Variants in LTN1 observed in about 807,000 individuals in gnomAD.
The protein encoded by LTN1 is E3 ubiquitin-protein ligase listerin.
In LTN1, 88 loss-of-function variants were observed where a neutral mutation model predicts 201.2. That is an observed-to-expected ratio of 0.44 (90% CI 0.37 to 0.52). The LOEUF (loss-of-function observed/expected upper bound fraction) is 0.52. Among genes scored for constraint, LTN1 ranks in the 20% least tolerant of loss-of-function variants. The pLI, the probability that LTN1 is intolerant of heterozygous loss-of-function variation, is 0.00. For synonymous variants in LTN1, 645 were observed against 713.5 expected (o/e 0.90, Z 1.53); for missense variants, 1,752 against 2,038.7 (o/e 0.86, Z 2.71).
intron 1 of LTN1, among the ~76,000 whole-genome samples, chr21:28,992,061 A>C (rs1025715537): frequency 2.6e-5 from 4 of 152,246 alleles, no homozygotes; most frequent in African/African-American, 4.8e-5. Flanking sequence ...AATAAATGTC[A>C]TAAATACAAT....
At chr21:28,937,951 A>G (rs1021756637) in intron 25 of LTN1, among the ~76,000 whole-genome samples, 7 of 152,204 alleles carry the variant, frequency 4.6e-5, no homozygotes, top group Non-Finnish European at 1.0e-4. Context: ...AGTAAGTACT[A>G]TTGCTAAAAA....
At position 28,965,909 on chromosome 21, in the gene LTN1, G is replaced by A. The variant is rs1434417801; in HGVS notation, c.2122-3C>T. 6.6e-7 allele frequency: 1 copy of A among 1,520,262 alleles called. No individual in the cohort carries two copies. The highest frequency in any genetic ancestry group is 1.2e-5 in the South Asian group (1 of 83,810). The allele number at this position is 1,520,262 out of a possible 1,614,324, so 94.2% of individuals were successfully genotyped here. ...AGAGAATTCCATTTCAAGTCCACCTGAAAAAAGAAAAAGAGTTAGAAACAA... is the reference window on the plus strand; with the variant it reads ...AGAGAATTCCATTTCAAGTCCACCTAAAAAAAGAAAAAGAGTTAGAAACAA... On this transcript the variant is annotated splice_region_variant and splice_polypyrimidine_tract_variant and intron_variant, in intron 10 of 29. Transcript: ENST00000361371.
At chr21:28,952,310 TG>T in intron 17 of LTN1, 46 bp from the exon 18 acceptor site, 2 of 1,168,148 alleles carry the variant, frequency 1.7e-6, no homozygotes, top group Non-Finnish European at 2.5e-6. Context: ...GAAAGCATAC[TG>T]AATAAAATGT....
chr21:28,956,044 A>G (rs1341924327), intron 16 of LTN1, among the ~76,000 whole-genome samples: 2 of 152,082 alleles, frequency 1.3e-5, no homozygotes, highest in East Asian at 3.8e-4. Flanking sequence ...CACATGTTCT[A>G]ATTTGTATAT....
rs1304471704 is a variant in LTN1 at position 28,928,243 on chromosome 21, C to A, written c.*2205G>T. ...CAAGGGCATTTATATTATTATTTTT[C>A]TGCATATTTGAAATATTTTTAATTA... is the stretch of plus-strand genomic sequence containing the variant. On this transcript the variant is annotated 3_prime_UTR_variant, in exon 30 of 30. Coordinates refer to ENST00000361371, the MANE Select transcript of LTN1 (RefSeq NM_015565.3). The A allele has an allele frequency of 6.6e-6, 1 of 152,458 alleles. No individual in the cohort carries two copies. The highest frequency in any genetic ancestry group is 1.5e-5 in the Non-Finnish European group (1 of 67,990). The allele number at this position is 152,458 out of a possible 1,614,324, so 9.4% of individuals were successfully genotyped here.
chr21:28,965,156 A>T (rs1182442125), intron 11 of LTN1, among the ~76,000 whole-genome samples: 1 of 152,156 alleles, frequency 6.6e-6, no homozygotes, highest in Non-Finnish European at 1.5e-5. Flanking sequence ...TTTTTTTACT[A>T]CAATTTAAAA....
chr21:28,992,721 T>A lies in LTN1; in HGVS notation c.42+43A>T. 1.9e-6 allele frequency: 3 copies of A among 1,611,696 alleles called. 1 individual carries two copies. The highest frequency in any genetic ancestry group is 3.3e-5 in the Admixed American group (2 of 59,968). The stretch of plus-strand genomic sequence containing the variant: ...AACGCGCTGGGCGGAGCCAGCCGCC[T>A]CGAAGCGAGGCTCCCGGGTCGGCCG... On this transcript the variant is annotated intron_variant, in intron 1 of 29. Transcript: ENST00000361371.
chr21:28,956,661 G>A (rs905062590), intron 16 of LTN1, 101 bp downstream of exon 16: 2 of 603,700 alleles, frequency 3.3e-6, no homozygotes, highest in African/African-American at 1.9e-5. Flanking sequence ...GAAAGCTGAA[G>A]ATTCTTGAAT....
intron 18 of LTN1, among the ~76,000 whole-genome samples, chr21:28,949,542 C>T (rs2084366691): frequency 6.6e-6 from 1 of 152,124 alleles, no homozygotes; most frequent in African/African-American, 2.4e-5. Flanking sequence ...CCACCTTCTA[C>T]TTTCTATCCC....
chr21:28,979,385 A>C (rs2084641081), intron 6 of LTN1, among the ~76,000 whole-genome samples: 1 of 152,234 alleles, frequency 6.6e-6, no homozygotes, highest in African/African-American at 2.4e-5. Context: ...AGTTGGAGGC[A>C]ATCAGGATCT....
At position 28,977,234 on chromosome 21, in the gene LTN1, C is replaced by T. The variant is rs573140596; in HGVS notation, c.810+3885G>A. ...ACTAAAAATACAAAAATTAGCTGGG[C>T]GTGGTGGCAGGCACCTGTAATCCCA... On this transcript the variant is annotated intron_variant, in intron 6 of 29. Coordinates refer to ENST00000361371, the MANE Select transcript of LTN1 (RefSeq NM_015565.3). Among the ~76,000 whole-genome samples, 22 of 152,006 alleles carry T rather than the reference C, an allele frequency of 1.4e-4. No homozygotes were observed. The East Asian group carries it at 3.3e-3, about 23-fold the overall frequency.
At chr21:28,989,774 G>A (rs1219303631) in intron 1 of LTN1, among the ~76,000 whole-genome samples, 16 of 152,108 alleles carry the variant, frequency 1.1e-4, no homozygotes, top group Admixed American at 1.0e-3. Flanking sequence ...TTAGGAGGCT[G>A]AGCGTATCTT....
At position 28,981,182 on chromosome 21, in the gene LTN1, C is replaced by A. The variant is rs780847800; in HGVS notation, c.747G>T (p.Glu249Asp). ...LPDNELDSLE[E>D]KFKSLLSQNK... ...TCTGTGATAAAAGAGACTTAAATTTCTCCTCCAGAGAATCAAGCTCATTAT... is the reference window on the plus strand; with the variant it reads ...TCTGTGATAAAAGAGACTTAAATTTATCCTCCAGAGAATCAAGCTCATTAT... The change falls in exon 6 of 30, where the codon GAG becomes GAT. Residue 249 changes from glutamate to aspartate, a missense_variant. Glu to Asp is a conservative substitution (Grantham distance 45). Transcript: ENST00000361371. 34 of 1,597,112 alleles carry A rather than the reference C, an allele frequency of 2.1e-5. No homozygotes were observed. Among genetic ancestry groups the A allele is most frequent in the Non-Finnish European group, 2.9e-5 (34 of 1,175,258 alleles).
chr21:28,986,729 G>C lies in LTN1; in HGVS notation c.246+2C>G, dbSNP rs771251964. On this transcript the variant is annotated splice_donor_variant, in intron 2 of 29. Transcript: ENST00000361371. LOFTEE classifies it high-confidence loss of function. This position sits in a 1 kb window ranked among gnomAD's most constrained non-coding sequence, Gnocchi z 4.1. ...AATTTTTATGAAAACAAGAAAACTT[G>C]CTTTTAATTTTGTGGTGACATCTTT... 6.2e-7 allele frequency: 1 copy of C among 1,603,940 alleles called. No individual in the cohort carries two copies. Among genetic ancestry groups the C allele is most frequent in the Admixed American group, 1.7e-5 (1 of 58,844 alleles).
At position 28,964,816 on chromosome 21, in the gene LTN1, C is replaced by T. The variant is rs567190332; in HGVS notation, c.2163+1049G>A. Reference sequence around the variant, plus strand: ...TCTACTCTTATCAAATTATTTGCACCCCCTGCTCTGAATCAAGGCTTATCA... The same window carrying T: ...TCTACTCTTATCAAATTATTTGCACTCCCTGCTCTGAATCAAGGCTTATCA... On this transcript the variant is annotated intron_variant, in intron 11 of 29. Transcript: ENST00000361371. The T allele has an allele frequency of 1.6e-4, 246 of 1,496,380 alleles. 3 individuals carry two copies. In the South Asian group the frequency reaches 3.0e-3, roughly 18 times the overall value. 92.7% of individuals were successfully genotyped at this position (1,496,380 alleles called of 1,614,324 possible).
At chr21:28,969,312 A>G (rs566534630) in intron 9 of LTN1, among the ~76,000 whole-genome samples, 154 bp downstream of exon 9, 1 of 152,134 alleles carries the variant, frequency 6.6e-6, no homozygotes, top group Non-Finnish European at 1.5e-5. Context: ...ATTTTTACTT[A>G]TCTGGTCAGA....
intron 26 of LTN1, among the ~76,000 whole-genome samples, chr21:28,935,951 TA>T (rs531145393): frequency 1.9e-4 from 29 of 152,252 alleles, no homozygotes; most frequent in Middle Eastern, 3.4e-3. Flanking sequence ...ACACATATTT[TA>T]AAAAGAAGGA....
chr21:28,952,438 G>C (rs1378043066), intron 17 of LTN1, among the ~76,000 whole-genome samples, 174 bp from the exon 18 acceptor site: 1 of 152,180 alleles, frequency 6.6e-6, no homozygotes, highest in Non-Finnish European at 1.5e-5. Flanking sequence ...AAAGAGCTGA[G>C]AGTTTCGGCT....
intron 3 of LTN1, among the ~76,000 whole-genome samples, chr21:28,985,333 C>A (rs1258267837): frequency 6.6e-6 from 1 of 151,942 alleles, no homozygotes; most frequent in African/African-American, 2.4e-5. Context: ...TGGTGGCACA[C>A]ACCTGTAATC....
Sources: allele counts gnomAD v4.1 joint callset (sites outside exome capture counted in the v4.1 genomes callset), GRCh38; gene constraint gnomAD v4.1.1; non-coding constraint Gnocchi (gnomAD v3.1); transcripts MANE v1.5; gene names NCBI Gene and HGNC (gene_info 2026-07-23, HGNC 2026-07-21).